SMAD6: variants seen among roughly 807,000 people sequenced by gnomAD.
SMAD6 encodes the protein SMAD family member 6, also known as MAD homolog 6.
Under a neutral mutation model 39.4 loss-of-function variants are expected in SMAD6, and 103 were observed. The ratio of observed to expected loss-of-function variants is 2.62; its 90% CI spans 2.23 to 3.08. The LOEUF (loss-of-function observed/expected upper bound fraction) is 3.08, where lower values mean the gene tolerates loss of function less well. Ranked by LOEUF, SMAD6 falls within the 30% of genes most tolerant of loss-of-function variation. The pLI is 0.00. For missense variants in SMAD6, 1,104 were observed against 742.9 expected (o/e 1.49, Z -5.65); for synonymous variants, 445 against 353.3 (o/e 1.26, Z -2.91).
At chr15:66,746,752 A>G (rs753440285) in intron 3 of SMAD6, among the ~76,000 whole-genome samples, 1 of 152,118 alleles carries the variant, frequency 6.6e-6, no homozygotes, top group African/African-American at 2.4e-5. Context: ...TCAGGTGACC[A>G]GGTAGGGTGA....
rs536640883 is a variant in SMAD6, at chr15:66,721,918, G to C, written c.952+5420G>C. 5.3e-3 allele frequency among the ~76,000 whole-genome samples: 802 copies of C among 152,286 alleles called. 8 individuals are homozygous for C. Among genetic ancestry groups the C allele is most frequent in the African/African-American group, 0.018 (768 of 41,558 alleles). On this transcript the variant is annotated intron_variant, in intron 3 of 3. Transcript: ENST00000288840. ...TAGCTGGGGAAGGCTTCCTGGAAGA[G>C]GCGATGTCTTTTAAAAAATGAATGG...
At chr15:66,770,595 A>C (rs1894363513) in intron 3 of SMAD6, among the ~76,000 whole-genome samples, 1 of 151,616 alleles carries the variant, frequency 6.6e-6, no homozygotes, top group African/African-American at 2.4e-5. Flanking sequence ...AAACAAACAC[A>C]CTCCAGAGTC....
chr15:66,727,723 C>T (rs116179706), intron 3 of SMAD6, among the ~76,000 whole-genome samples: 2,972 of 152,194 alleles, frequency 0.02, 94 homozygotes, highest in African/African-American at 0.068. Flanking sequence ...TGACTGTGGG[C>T]TTAGCGAATG....
intron 3 of SMAD6, among the ~76,000 whole-genome samples, chr15:66,780,602 C>T (rs1329792973): frequency 7.2e-5 from 11 of 152,166 alleles, no homozygotes; most frequent in African/African-American, 9.7e-5. Flanking sequence ...TGCTCCACGC[C>T]GGGTCCGTGA....
chr15:66,780,641 G>A (rs1273131388), intron 3 of SMAD6, among the ~76,000 whole-genome samples: 1 of 152,202 alleles, frequency 6.6e-6, no homozygotes, highest in African/African-American at 2.4e-5. Flanking sequence ...CCCCTCCTTT[G>A]GGGGCGTGCA....
intron 3 of SMAD6, among the ~76,000 whole-genome samples, chr15:66,739,636 A>G (rs574276207): frequency 6.6e-6 from 1 of 152,264 alleles, no homozygotes; most frequent in South Asian, 2.1e-4. Flanking sequence ...ATTAGGGAAA[A>G]CTTGTACCTA....
chr15:66,755,139 C>T (rs957607010), intron 3 of SMAD6, among the ~76,000 whole-genome samples: 3 of 152,118 alleles, frequency 2.0e-5, no homozygotes, highest in Non-Finnish European at 4.4e-5. Context: ...GGTTCCAGTG[C>T]TGTCTTTACC....
Position 66,747,230 on chromosome 15 carries a change from T to C in SMAD6, c.952+30732T>C, listed in dbSNP as rs182494496. Among the ~76,000 whole-genome samples the C allele has an allele frequency of 7.2e-4, 109 of 152,354 alleles. No homozygotes were observed. Among genetic ancestry groups the C allele is most frequent in the East Asian group, 3.9e-3 (20 of 5,190 alleles). On this transcript the variant is annotated intron_variant, in intron 3 of 3. Coordinates refer to ENST00000288840, the MANE Select transcript of SMAD6 (RefSeq NM_005585.5). This position sits in a 1 kb window ranked among gnomAD's most constrained non-coding sequence, Gnocchi z 4.5. ...TGGCCAGAGGTTGCGTGGTTTGCTGTGTTTGCATGGCCAGGCCAGCGGGAT... is the reference window on the plus strand; with the variant it reads ...TGGCCAGAGGTTGCGTGGTTTGCTGCGTTTGCATGGCCAGGCCAGCGGGAT...
At chr15:66,709,590 T>G (rs1235057765) in intron 1 of SMAD6, among the ~76,000 whole-genome samples, 1 of 152,162 alleles carries the variant, frequency 6.6e-6, no homozygotes, top group Non-Finnish European at 1.5e-5. Flanking sequence ...CAGAGCTCCA[T>G]GCCATGTGTG....
At position 66,704,049 on chromosome 15, in the gene SMAD6, A is replaced by T. The variant is rs750855608; in HGVS notation, c.791A>T (p.Tyr264Phe). The change falls in exon 1 of 4, where the codon TAC becomes TTC. Residue 264 changes from tyrosine to phenylalanine, a missense_variant. Tyr to Phe is a conservative substitution (Grantham distance 22). Transcript: ENST00000288840. ...ADGPTVCCNP[Y>F]HFSRLCGPES... ...GGCCCTACCGTGTGCTGCAACCCCTACCACTTCAGCCGGCTCTGCGGGCCC... is the reference window on the plus strand; with the variant it reads ...GGCCCTACCGTGTGCTGCAACCCCTTCCACTTCAGCCGGCTCTGCGGGCCC... The T allele has an allele frequency of 6.6e-7, 1 of 1,507,222 alleles. No individual in the cohort carries two copies. Among genetic ancestry groups the T allele is most frequent in the South Asian group, 1.2e-5 (1 of 81,396 alleles). 93.4% of individuals were successfully genotyped at this position (1,507,222 alleles called of 1,614,324 possible).
chr15:66,758,590 C>T lies in SMAD6; in HGVS notation c.953-22407C>T, dbSNP rs146838513. ...TAAAAATACAAAAATTAGCCTGGCACGGTTGCAGGCATGTATAGTCCCAGG... is the reference window on the plus strand; with the variant it reads ...TAAAAATACAAAAATTAGCCTGGCATGGTTGCAGGCATGTATAGTCCCAGG... On this transcript the variant is annotated intron_variant, in intron 3 of 3. Transcript: ENST00000288840. Among the ~76,000 whole-genome samples, 105 of 152,122 alleles carry T rather than the reference C, an allele frequency of 6.9e-4. 3 individuals carry two copies. Among genetic ancestry groups the T allele is most frequent in the African/African-American group, 2.4e-3 (99 of 41,514 alleles).
At chr15:66,768,753 G>T (rs1489344188) in intron 3 of SMAD6, among the ~76,000 whole-genome samples, 1 of 152,148 alleles carries the variant, frequency 6.6e-6, no homozygotes, top group Non-Finnish European at 1.5e-5. Flanking sequence ...CAAACCTGGG[G>T]CTGGGTTTGA....
chr15:66,711,487 CT>C (rs1341471011), intron 1 of SMAD6, among the ~76,000 whole-genome samples, 180 bp from the exon 2 acceptor site: 3 of 152,212 alleles, frequency 2.0e-5, no homozygotes, highest in African/African-American at 7.2e-5. Context: ...CCATATCTGT[CT>C]GTGCCCCAAG....
In SMAD6 at chr15:66,781,604, C is replaced by A; in HGVS notation, c.*69C>A. On this transcript the variant is annotated 3_prime_UTR_variant, in exon 4 of 4. Transcript: ENST00000288840. Reference sequence around the variant, plus strand: ...GCCACCTGCCGGCCTCGAGAGGGGCCGATGCCCAGAGACACAGCCCCCACG... The same window carrying A: ...GCCACCTGCCGGCCTCGAGAGGGGCAGATGCCCAGAGACACAGCCCCCACG... 1.6e-6 allele frequency: 2 copies of A among 1,226,348 alleles called. No individual in the cohort carries two copies. The highest frequency in any genetic ancestry group is 2.2e-6 in the Non-Finnish European group (2 of 912,812). The allele number at this position is 1,226,348 out of a possible 1,614,324, so 76.0% of individuals were successfully genotyped here. A position where few individuals can be genotyped will look rare whatever the true frequency, so the allele number is the denominator to read the frequency against.
Position 66,781,084 on chromosome 15 carries a change from A to G in SMAD6, c.1040A>G (p.Tyr347Cys), listed in dbSNP as rs964964672. 3.1e-6 allele frequency: 5 copies of G among 1,607,744 alleles called. No homozygotes were observed. The highest frequency in any genetic ancestry group is 1.1e-5 in the South Asian group (1 of 90,726). ...CACCGGACGCGCGTGGGCCGCCTCTATGCGGTGTACGACCAGGCCGTCAGC... is the reference window on the plus strand; with the variant it reads ...CACCGGACGCGCGTGGGCCGCCTCTGTGCGGTGTACGACCAGGCCGTCAGC... ...WEHRTRVGRLYAVYDQAVSIF... is the reference protein window; with the variant it reads ...WEHRTRVGRLCAVYDQAVSIF... The change falls in exon 4 of 4, where the codon TAT becomes TGT. Residue 347 changes from tyrosine (Y) to cysteine (C), a missense_variant. Transcript: ENST00000288840.
At chr15:66,752,040 CTT>C (rs34057337) in intron 3 of SMAD6, among the ~76,000 whole-genome samples, 29,770 of 121,842 alleles carry the variant, frequency 0.24, 3,253 homozygotes, top group Middle Eastern at 0.3. Flanking sequence ...TTAATGGCAC[CTT>C]TTTTTTTTTT....
chr15:66,762,973 A>G (rs1042420115), intron 3 of SMAD6, among the ~76,000 whole-genome samples: 2 of 151,874 alleles, frequency 1.3e-5, no homozygotes, highest in African/African-American at 4.8e-5. Context: ...TCCCCAAAGG[A>G]CACAGCAGAG....
chr15:66,761,904 T>G (rs897760809), intron 3 of SMAD6, among the ~76,000 whole-genome samples: 1 of 152,116 alleles, frequency 6.6e-6, no homozygotes, highest in Non-Finnish European at 1.5e-5. Flanking sequence ...CCCATGACAT[T>G]CACATGGCCC....
At position 66,781,047 on chromosome 15, in the gene SMAD6, G is replaced by A. The variant is rs1165362355; in HGVS notation, c.1003G>A (p.Ala335Thr). 1.2e-6 allele frequency: 2 copies of A among 1,601,662 alleles called. No homozygotes were observed. The highest frequency in any genetic ancestry group is 1.1e-5 in the South Asian group (1 of 90,210). ...ATKPSHWCSV[A>T]YWEHRTRVGR... ...CAAGCCGAGCCACTGGTGCAGCGTG[G>A]CGTACTGGGAGCACCGGACGCGCGT... The change falls in exon 4 of 4, where the codon GCG becomes ACG. Residue 335 changes from alanine to threonine, a missense_variant. By Grantham distance (58) the Ala-to-Thr change is moderately conservative. Transcript: ENST00000288840.
Sources: allele counts gnomAD v4.1 joint callset (sites outside exome capture counted in the v4.1 genomes callset), GRCh38; gene constraint gnomAD v4.1.1; non-coding constraint Gnocchi (gnomAD v3.1); transcripts MANE v1.5; gene names NCBI Gene and HGNC (gene_info 2026-07-23, HGNC 2026-07-21).